FIRRM: variants seen among roughly 807,000 people sequenced by gnomAD.
The protein encoded by FIRRM is FIGNL1 interacting regulator of recombination and mitosis, also known as FIGNL1-interacting regulator of recombination and mitosis.
the FIRRM span, among the ~76,000 whole-genome samples, chr1:169,847,340 A>AAAAAAAAAAAAAAAAAAAAG: frequency 7.4e-6 from 1 of 135,094 alleles, no homozygotes; most frequent in Non-Finnish European, 1.6e-5. Flanking sequence ...AAAAAAAAAA[A>AAAAAAAAAAAAAAAAAAAAG]GCAGTATCTT....
the FIRRM span, among the ~76,000 whole-genome samples, chr1:169,822,800 G>A: frequency 6.6e-6 from 1 of 151,988 alleles, no homozygotes. Flanking sequence ...GTGCCCGGTC[G>A]ACAACTTTTC....
At chr1:169,804,785 C>T in the FIRRM span, among the ~76,000 whole-genome samples, 8 of 152,118 alleles carry the variant, frequency 5.3e-5, no homozygotes, top group African/African-American at 1.7e-4. Context: ...CGGACTCAAG[C>T]GATTCTCCTG....
chr1:169,784,129 G>GCATA, the FIRRM span, among the ~76,000 whole-genome samples: 1 of 152,114 alleles, frequency 6.6e-6, no homozygotes, highest in Admixed American at 6.5e-5. Flanking sequence ...TATATCAGAT[G>GCATA]CATACTTCAG....
At chr1:169,846,280 T>G in the FIRRM span, among the ~76,000 whole-genome samples, 2 of 152,188 alleles carry the variant, frequency 1.3e-5, no homozygotes, top group Non-Finnish European at 2.9e-5. Flanking sequence ...ATAGAGTACA[T>G]GCAGAGTAGA....
the FIRRM span, among the ~76,000 whole-genome samples, chr1:169,830,921 C>T: frequency 0.1 from 15,922 of 152,136 alleles, 1,005 homozygotes; most frequent in Admixed American, 0.18. Flanking sequence ...ACTAAAAAAC[C>T]GTTAGTGTGA....
chr1:169,853,039 T>C, the FIRRM span: 1 of 1,561,522 alleles, frequency 6.4e-7, no homozygotes, highest in Non-Finnish European at 8.8e-7. Context: ...TGAAAATACT[T>C]ATGTCTGTAC....
At chr1:169,825,819 T>C in the FIRRM span, among the ~76,000 whole-genome samples, 5 of 152,322 alleles carry the variant, frequency 3.3e-5, no homozygotes, top group African/African-American at 7.2e-5. Flanking sequence ...AATGCTGTTA[T>C]CCTCTGCTAG....
the FIRRM span, among the ~76,000 whole-genome samples, chr1:169,787,523 C>G: frequency 6.6e-5 from 10 of 152,156 alleles, no homozygotes; most frequent in African/African-American, 2.2e-4. Context: ...TTTTCATCCA[C>G]TGACTCCTTG....
chr1:169,813,443 A>T, the FIRRM span, among the ~76,000 whole-genome samples: 3 of 152,224 alleles, frequency 2.0e-5, no homozygotes, highest in African/African-American at 4.8e-5. Context: ...AAACTCACAC[A>T]TATTACACAA....
the FIRRM span, chr1:169,827,129 A>C: frequency 6.2e-7 from 1 of 1,613,770 alleles, no homozygotes; most frequent in South Asian, 1.1e-5. Flanking sequence ...TCCTAGTGAC[A>C]CTGGATCCAC....
the FIRRM span, among the ~76,000 whole-genome samples, chr1:169,799,840 G>A: frequency 0.91 from 139,040 of 152,220 alleles, 63,749 homozygotes; most frequent in East Asian, 1. Context: ...GGCGTGAGCC[G>A]CTGAGCCTGG....
At chr1:169,853,781 A>AAAT in the FIRRM span, 1 of 1,613,878 alleles carries the variant, frequency 6.2e-7, no homozygotes, top group Non-Finnish European at 8.5e-7. Flanking sequence ...CCCTGCAACA[A>AAAT]AATAAAGCAC....
At chr1:169,785,759 G>T in the FIRRM span, among the ~76,000 whole-genome samples, 15 of 152,244 alleles carry the variant, frequency 9.9e-5, no homozygotes, top group East Asian at 2.7e-3. Flanking sequence ...CTCACTTAGG[G>T]CTATAGATTT....
chr1:169,789,917 T>C, the FIRRM span, among the ~76,000 whole-genome samples: 23 of 152,222 alleles, frequency 1.5e-4, no homozygotes, highest in African/African-American at 5.5e-4. Context: ...ATAGGAACCA[T>C]GATAAATGCT....
chr1:169,815,944 T>C, the FIRRM span, among the ~76,000 whole-genome samples: 1 of 152,134 alleles, frequency 6.6e-6, no homozygotes. Context: ...ACTATTGGGG[T>C]CTCTTATATT....
At chr1:169,821,206 A>G in the FIRRM span, among the ~76,000 whole-genome samples, 1 of 152,088 alleles carries the variant, frequency 6.6e-6, no homozygotes, top group Non-Finnish European at 1.5e-5. Context: ...AATATATATA[A>G]TTAAGTTATA....
At chr1:169,835,328 T>C in the FIRRM span, among the ~76,000 whole-genome samples, 1 of 152,190 alleles carries the variant, frequency 6.6e-6, no homozygotes, top group African/African-American at 2.4e-5. Context: ...ATAGGAGTAA[T>C]TATTGAAATC....
chr1:169,796,105 GCTAAAGCCC>G, the FIRRM span: 1 of 403,156 alleles, frequency 2.5e-6, no homozygotes. Flanking sequence ...ATATTGTGCA[GCTAAAGCCC>G]TATGTAATCA....
chr1:169,808,565 A>T, the FIRRM span, among the ~76,000 whole-genome samples: 1 of 151,798 alleles, frequency 6.6e-6, no homozygotes, highest in Non-Finnish European at 1.5e-5. Context: ...GTCCTAAATT[A>T]TAAGATTAAT....
Sources: allele counts gnomAD v4.1 joint callset (sites outside exome capture counted in the v4.1 genomes callset), GRCh38; gene constraint gnomAD v4.1.1; transcripts MANE v1.5; gene names NCBI Gene and HGNC (gene_info 2026-07-23, HGNC 2026-07-21).